The following CEP72 variants were observed in gnomAD, a reference collection of about 807,000 sequenced individuals.
CEP72 encodes the protein centrosomal protein 72.
In CEP72, 78 loss-of-function variants were observed where a neutral mutation model predicts 65.7. The ratio of observed to expected loss-of-function variants is 1.19; its 90% CI spans 0.99 to 1.43. CEP72 has a LOEUF of 1.43. Ranked by LOEUF, CEP72 falls within the 40% of genes most tolerant of loss-of-function variation. The pLI is 0.00. For missense variants in CEP72, 914 were observed against 832.9 expected (o/e 1.10, Z -1.20); for synonymous variants, 358 against 351.7 (o/e 1.02, Z -0.20).
chr5:673,792 T>A, the CEP72 span, among the ~76,000 whole-genome samples: 1 of 152,138 alleles, frequency 6.6e-6, no homozygotes, highest in African/African-American at 2.4e-5. Flanking sequence ...CAGCCCTGCC[T>A]CTGGGAACAG....
chr5:627,617 C>T (rs990777331), intron 4 of CEP72, among the ~76,000 whole-genome samples: 5 of 151,962 alleles, frequency 3.3e-5, no homozygotes, highest in Non-Finnish European at 5.9e-5. Flanking sequence ...TGTTTTTTTA[C>T]GGAGGGCTAG....
chr5:633,431 T>G, intron 4 of CEP72, among the ~76,000 whole-genome samples: 1 of 148,242 alleles, frequency 6.7e-6, no homozygotes, highest in Non-Finnish European at 1.5e-5. Flanking sequence ...AGTGCCGGGA[T>G]TTAGACCAGT....
intron 3 of CEP72, among the ~76,000 whole-genome samples, chr5:621,967 T>C (rs1736424510): frequency 6.6e-6 from 1 of 152,120 alleles, no homozygotes; most frequent in African/African-American, 2.4e-5. Flanking sequence ...AGAGATAGGG[T>C]TTTGCCATGT....
At chr5:634,222 A>G (rs1168449159) in intron 5 of CEP72, among the ~76,000 whole-genome samples, 1 of 152,246 alleles carries the variant, frequency 6.6e-6, no homozygotes, top group Admixed American at 6.5e-5. Flanking sequence ...TCTAAAACAG[A>G]CAAGAAGCCT....
At position 620,259 on chromosome 5, in the gene CEP72, T is replaced by C; in HGVS notation, c.401T>C (p.Leu134Pro). ...CACCTGCTCCCCAAGCTCCAGCAGC[T>C]GGGTAGGCATCAGGCAGGGCCACGC... ...VVHLLPKLQQ[L>P]DDRPVRASER... is the part of the protein sequence containing the mutation. The change falls in exon 3 of 12, where the codon CTG becomes CCG. Residue 134 changes from leucine (L) to proline (P), a missense_variant and splice_region_variant. Transcript: ENST00000264935. 6.2e-7 allele frequency: 1 copy of C among 1,612,760 alleles called. No homozygotes were observed. The highest frequency in any genetic ancestry group is 8.5e-7 in the Non-Finnish European group (1 of 1,178,792).
downstream of CEP72, among the ~76,000 whole-genome samples, chr5:667,846 G>A (rs1177352664): frequency 2.0e-5 from 3 of 146,508 alleles, no homozygotes; most frequent in Non-Finnish European, 3.0e-5. Context: ...AGAGGGGTCC[G>A]CGTGGGCGCC....
chr5:674,441 C>T, the CEP72 span, among the ~76,000 whole-genome samples: 2 of 150,916 alleles, frequency 1.3e-5, no homozygotes, highest in Admixed American at 6.6e-5. Context: ...GCGAACCCCA[C>T]CTGCTTCTGC....
chr5:652,588 G>T (rs1310451671), intron 11 of CEP72, among the ~76,000 whole-genome samples: 2 of 152,202 alleles, frequency 1.3e-5, no homozygotes, highest in African/African-American at 2.4e-5. Flanking sequence ...ATATTTGACT[G>T]GGAATTAGAA....
At chr5:634,987 C>A (rs1205092344) in intron 5 of CEP72, among the ~76,000 whole-genome samples, 8 of 152,166 alleles carry the variant, frequency 5.3e-5, no homozygotes, top group Non-Finnish European at 1.0e-4. Flanking sequence ...CCTTTGCCTC[C>A]CGGGTTCAAG....
chr5:629,508 C>T (rs1216130856), intron 4 of CEP72, among the ~76,000 whole-genome samples: 1 of 125,328 alleles, frequency 8.0e-6, no homozygotes, highest in African/African-American at 3.2e-5. Context: ...TGGACCAGTC[C>T]TGGTGGGGTT....
intron 1 of CEP72, chr5:663,187 G>A (rs1739742279): frequency 7.6e-6 from 1 of 131,160 alleles, no homozygotes; most frequent in Non-Finnish European, 1.8e-5. Context: ...CTGTGACCGG[G>A]CGATTCCGGT....
intron 2 of CEP72, among the ~76,000 whole-genome samples, chr5:619,749 T>C (rs1736258045): frequency 6.6e-6 from 1 of 152,208 alleles, no homozygotes; most frequent in Admixed American, 6.5e-5. Flanking sequence ...GGGCTGATGG[T>C]TCTCACCCTG....
Position 624,211 on chromosome 5 carries a change from C to CGT in CEP72, c.404-248_404-247dup, listed in dbSNP as rs144885757. ...GTGTGCACTTTAGAGAAAGGGTGTG[C>CGT]GTGTGTGTGTGTGAGCCTCATCTGT... On this transcript the variant is annotated intron_variant, in intron 3 of 11. Coordinates refer to ENST00000264935, the MANE Select transcript of CEP72 (RefSeq NM_018140.4). The surrounding 1 kb of genome is among the most constrained non-coding windows in gnomAD (Gnocchi z 4.7). Among the ~76,000 whole-genome samples, 9 of 151,978 alleles carry CGT rather than the reference C, an allele frequency of 5.9e-5. No individual in the cohort carries two copies. In the South Asian group the frequency reaches 6.2e-4, roughly 11 times the overall value.
chr5:621,850 T>C (rs1736415265), intron 3 of CEP72, among the ~76,000 whole-genome samples: 1 of 152,256 alleles, frequency 6.6e-6, no homozygotes, highest in Non-Finnish European at 1.5e-5. Context: ...CTTAGCTCAC[T>C]GCAACCTCCG....
chr5:636,618 C>T (rs1220676778), intron 6 of CEP72, among the ~76,000 whole-genome samples: 3 of 152,124 alleles, frequency 2.0e-5, no homozygotes, highest in Non-Finnish European at 4.4e-5. Flanking sequence ...TAAGACCAGC[C>T]TGGCCAACAT....
intron 7 of CEP72, among the ~76,000 whole-genome samples, chr5:638,032 G>A (rs369036376): frequency 2.6e-5 from 4 of 152,200 alleles, no homozygotes; most frequent in African/African-American, 9.6e-5. Flanking sequence ...CCGTGATTAC[G>A]CCTACGGCAC....
chr5:671,529 G>A (rs56235536), downstream of CEP72, among the ~76,000 whole-genome samples: 7,625 of 152,310 alleles, frequency 0.05, 585 homozygotes, highest in African/African-American at 0.16. Context: ...GGGCAAAGTG[G>A]ACAGCCAAGG....
At chr5:651,288 C>A (rs1380875460) in intron 11 of CEP72, among the ~76,000 whole-genome samples, 1 of 109,666 alleles carries the variant, frequency 9.1e-6, no homozygotes, top group Non-Finnish European at 1.8e-5. Flanking sequence ...TGAGGTGTGA[C>A]TGTGAGGTGT....
the CEP72 span, among the ~76,000 whole-genome samples, chr5:672,730 C>T: frequency 3.9e-5 from 6 of 152,246 alleles, no homozygotes; most frequent in Non-Finnish European, 5.9e-5. Context: ...CCACTCCCAC[C>T]GCCCGTGGTC....
Sources: gnomAD v4.1 joint callset for allele counts (sites outside exome capture counted in the v4.1 genomes callset) on GRCh38, gnomAD v4.1.1 for gene constraint, Gnocchi (gnomAD v3.1) non-coding constraint, MANE v1.5 for transcripts, NCBI Gene and HGNC (gene_info 2026-07-23, HGNC 2026-07-21) for gene names.